CFAP20DC: variants seen among roughly 807,000 people sequenced by gnomAD.
The protein encoded by CFAP20DC is CFAP20 domain containing.
In CFAP20DC, 84 loss-of-function variants were observed where a neutral mutation model predicts 101.7. The ratio of observed to expected loss-of-function variants is 0.83; its 90% CI spans 0.69 to 0.99. The LOEUF (loss-of-function observed/expected upper bound fraction) is 0.99, where lower values mean the gene tolerates loss of function less well. Ranked by LOEUF, CFAP20DC falls within the 50% of genes least tolerant of loss-of-function variation. The pLI, the probability that CFAP20DC is intolerant of heterozygous loss-of-function variation, is 0.00. For missense variants in CFAP20DC, 1,007 were observed against 970.3 expected (o/e 1.04, Z -0.50); for synonymous variants, 359 against 351.2 (o/e 1.02, Z -0.25).
intron 14 of CFAP20DC, among the ~76,000 whole-genome samples, chr3:58,816,495 G>C (rs1214744370): frequency 1.3e-5 from 2 of 152,218 alleles, no homozygotes; most frequent in African/African-American, 4.8e-5. Context: ...CAAGGGGTCA[G>C]GGAGTTCCCT....
chr3:58,842,270 G>A (rs978332643), intron 13 of CFAP20DC, among the ~76,000 whole-genome samples: 2 of 152,160 alleles, frequency 1.3e-5, no homozygotes, highest in African/African-American at 4.8e-5. Flanking sequence ...CATCTCACTA[G>A]GGAGTGCCAG....
chr3:58,930,244 G>A (rs1027519998), intron 5 of CFAP20DC, among the ~76,000 whole-genome samples: 5 of 152,086 alleles, frequency 3.3e-5, no homozygotes, highest in Admixed American at 1.3e-4. Flanking sequence ...TCCCCCGACT[G>A]CCCCCACAGT....
chr3:59,009,360 GTTGA>G lies in CFAP20DC; in HGVS notation c.278+30193_278+30196del, dbSNP rs1428269229. Among the ~76,000 whole-genome samples the G allele has an allele frequency of 3.9e-5, 6 of 152,042 alleles. No individual in the cohort carries two copies. The South Asian group carries it at 1.0e-3, about 26-fold the overall frequency. On this transcript the variant is annotated intron_variant, in intron 4 of 16. Coordinates refer to ENST00000482387, the MANE Select transcript of CFAP20DC (RefSeq NM_001394063.1). The stretch of plus-strand genomic sequence containing the variant: ...AATTGCCAGATAAAAAATTCAGAAG[GTTGA>G]TTATTAAGCTACTCAAGGAGATACC...
intron 4 of CFAP20DC, among the ~76,000 whole-genome samples, chr3:58,976,921 A>G (rs561890021): frequency 1.3e-5 from 2 of 152,330 alleles, no homozygotes; most frequent in East Asian, 3.9e-4. Flanking sequence ...GGCCACCCAC[A>G]ACCCTGAACT....
intron 4 of CFAP20DC, among the ~76,000 whole-genome samples, chr3:58,995,436 A>C (rs2093086616): frequency 6.6e-6 from 1 of 152,120 alleles, no homozygotes; most frequent in Admixed American, 6.5e-5. Flanking sequence ...TAATAAATTA[A>C]AATGTTTCCA....
At chr3:58,742,596 C>T (rs768560519) in intron 16 of CFAP20DC, 24 bp from the exon 17 acceptor site, 1 of 1,564,158 alleles carries the variant, frequency 6.4e-7, no homozygotes, top group Non-Finnish European at 8.7e-7. Flanking sequence ...GAACCACAGA[C>T]ACATTAGCTG....
chr3:58,794,345 T>C, intron 15 of CFAP20DC: 1 of 456,006 alleles, frequency 2.2e-6, no homozygotes, highest in Non-Finnish European at 4.4e-6. Context: ...TAAAAATCAA[T>C]GGACAAGAAA....
rs1045474213 is a variant in CFAP20DC, at chr3:58,724,490, G to A, written c.198-6862C>T. 6.6e-6 allele frequency among the ~76,000 whole-genome samples: 1 copy of A among 152,102 alleles called. No homozygotes were observed. Among genetic ancestry groups the A allele is most frequent in the East Asian group, 1.9e-4 (1 of 5,180 alleles). Reference sequence around the variant, plus strand: ...TTGAAGCACTGGAATGTGGACAGACGTGTGGGCTCCTATTTAAGCCCGCTC... The same window carrying A: ...TTGAAGCACTGGAATGTGGACAGACATGTGGGCTCCTATTTAAGCCCGCTC... On this transcript the variant is annotated intron_variant, in intron 3 of 3. Coordinates refer to the CFAP20DC transcript ENST00000486145. The surrounding 1 kb of genome is among the most constrained non-coding windows in gnomAD (Gnocchi z 5.6).
chr3:58,801,560 G>A (rs1442109847), intron 15 of CFAP20DC, among the ~76,000 whole-genome samples: 1 of 151,948 alleles, frequency 6.6e-6, no homozygotes, highest in Non-Finnish European at 1.5e-5. Context: ...TTTTGTGATG[G>A]GAAACTAAAA....
chr3:58,947,760 G>A (rs1453132066), intron 4 of CFAP20DC, among the ~76,000 whole-genome samples: 1 of 152,150 alleles, frequency 6.6e-6, no homozygotes, highest in Non-Finnish European at 1.5e-5. Flanking sequence ...TATTTCAGAG[G>A]TAATCTCATG....
chr3:59,011,512 G>C (rs899229184), intron 4 of CFAP20DC, among the ~76,000 whole-genome samples: 1 of 148,566 alleles, frequency 6.7e-6, no homozygotes, highest in African/African-American at 2.4e-5. Context: ...GAAGGAACTA[G>C]AAAACAAGAA....
At chr3:58,922,201 CTT>C (rs1325694246) in intron 5 of CFAP20DC, among the ~76,000 whole-genome samples, 2 of 152,172 alleles carry the variant, frequency 1.3e-5, no homozygotes, top group African/African-American at 4.8e-5. Context: ...AATATAATGA[CTT>C]TGATACGTTT....
At chr3:58,962,289 C>T (rs899925902) in intron 4 of CFAP20DC, among the ~76,000 whole-genome samples, 1 of 152,208 alleles carries the variant, frequency 6.6e-6, no homozygotes, top group African/African-American at 2.4e-5. Flanking sequence ...TATTAAGACA[C>T]ACACTATTTA....
chr3:58,790,560 T>C (rs960834738), intron 15 of CFAP20DC, among the ~76,000 whole-genome samples: 2 of 152,102 alleles, frequency 1.3e-5, no homozygotes, highest in Non-Finnish European at 2.9e-5. Context: ...GAAAAGGACA[T>C]GTGGATCCAT....
chr3:58,816,783 C>T (rs549252388), intron 14 of CFAP20DC, among the ~76,000 whole-genome samples: 1 of 152,238 alleles, frequency 6.6e-6, no homozygotes, highest in East Asian at 1.9e-4. Flanking sequence ...TGGGTGGAGC[C>T]CACCACAGCT....
intron 3 of CFAP20DC, among the ~76,000 whole-genome samples, chr3:58,736,284 G>A (rs1246915148): frequency 6.6e-6 from 1 of 152,148 alleles, no homozygotes; most frequent in Non-Finnish European, 1.5e-5. Flanking sequence ...TGGCTAAAAG[G>A]TTTGTAAGTT....
intron 15 of CFAP20DC, among the ~76,000 whole-genome samples, chr3:58,804,873 T>C (rs2073948454): frequency 6.6e-6 from 1 of 152,252 alleles, no homozygotes; most frequent in Non-Finnish European, 1.5e-5. Context: ...TTTTAAACTC[T>C]TTAGTGTATC....
At chr3:58,778,804 C>G (rs1329940528) in intron 15 of CFAP20DC, among the ~76,000 whole-genome samples, 2 of 152,192 alleles carry the variant, frequency 1.3e-5, no homozygotes, top group African/African-American at 4.8e-5. Context: ...TTCACTAAGT[C>G]TTCACTAACA....
At chr3:58,789,745 T>C (rs535980805) in intron 15 of CFAP20DC, among the ~76,000 whole-genome samples, 19 of 152,276 alleles carry the variant, frequency 1.2e-4, no homozygotes, top group African/African-American at 4.6e-4. Flanking sequence ...AAATGCTATT[T>C]TAAAAACATT....
Sources: gnomAD v4.1 joint callset for allele counts (sites outside exome capture counted in the v4.1 genomes callset) on GRCh38, gnomAD v4.1.1 for gene constraint, Gnocchi (gnomAD v3.1) non-coding constraint, MANE v1.5 for transcripts, NCBI Gene and HGNC (gene_info 2026-07-23, HGNC 2026-07-21) for gene names.